MTMR9: variants seen among roughly 807,000 people sequenced by gnomAD.
The protein encoded by MTMR9 is myotubularin-related protein 9.
A neutral mutation model predicts 69.5 loss-of-function variants in MTMR9; 39 were observed. That is an observed-to-expected ratio of 0.56 (90% CI 0.43 to 0.73). MTMR9 has a LOEUF of 0.73. Ranked by LOEUF, MTMR9 falls within the 30% of genes least tolerant of loss-of-function variation. MTMR9 has a pLI of 0.00. For missense variants in MTMR9, 900 were observed against 671.2 expected (o/e 1.34, Z -3.77); for synonymous variants, 354 against 240.8 (o/e 1.47, Z -4.35).
At chr8:11,295,328 A>AGTAGC (rs1563267829) in intron 2 of MTMR9, 26 bp downstream of exon 2, 1 of 1,231,386 alleles carries the variant, frequency 8.1e-7, no homozygotes, top group African/African-American at 1.5e-5. Flanking sequence ...GCAAAATCTA[A>AGTAGC]TGAAACATAA....
chr8:11,315,190 C>A, intron 7 of MTMR9, 126 bp downstream of exon 7: 2 of 1,157,958 alleles, frequency 1.7e-6, no homozygotes, highest in Non-Finnish European at 2.5e-6. Context: ...GTTTAATTTA[C>A]TGCAGGACAG....
chr8:11,332,588 GTTTGTTT>G (rs1385051730), downstream of MTMR9, among the ~76,000 whole-genome samples: 1 of 144,834 alleles, frequency 6.9e-6, no homozygotes, highest in African/African-American at 2.5e-5. Flanking sequence ...GATAGAGTTT[GTTTGTTT>G]TTTGTTTTTT....
intron 9 of MTMR9, 133 bp downstream of exon 9, chr8:11,319,971 C>T (rs1800604649): frequency 1.3e-6 from 1 of 756,562 alleles, no homozygotes. Context: ...TTGTCATTCT[C>T]AGTGTGGGCA....
intron 1 of MTMR9, among the ~76,000 whole-genome samples, chr8:11,291,390 G>A (rs748531070): frequency 3.3e-5 from 5 of 152,000 alleles, no homozygotes; most frequent in Non-Finnish European, 7.4e-5. Flanking sequence ...ATATAAACTA[G>A]AAAGTTTAAT....
chr8:11,339,357 C>G, the MTMR9 span, among the ~76,000 whole-genome samples: 4 of 152,346 alleles, frequency 2.6e-5, no homozygotes, highest in African/African-American at 9.6e-5. Flanking sequence ...AGTATACATT[C>G]ATGATATGGC....
chr8:11,314,707 G>T (rs1190165576), intron 6 of MTMR9, among the ~76,000 whole-genome samples: 1 of 152,108 alleles, frequency 6.6e-6, no homozygotes, highest in Non-Finnish European at 1.5e-5. Flanking sequence ...CATTATAGTC[G>T]TATTTTTTCC....
the MTMR9 span, among the ~76,000 whole-genome samples, chr8:11,333,465 G>A: frequency 2.0e-5 from 3 of 152,172 alleles, no homozygotes; most frequent in African/African-American, 7.2e-5. Context: ...AAAGCTTAGG[G>A]ATCTTGTTAC....
chr8:11,316,016 G>C (rs1800398693), intron 7 of MTMR9: 2 of 152,172 alleles, frequency 1.3e-5, no homozygotes, highest in Non-Finnish European at 2.9e-5. Flanking sequence ...GTCAGCATTT[G>C]GGTTCTGAAC....
chr8:11,292,602 G>A (rs1041634308), intron 1 of MTMR9, among the ~76,000 whole-genome samples: 4 of 152,054 alleles, frequency 2.6e-5, no homozygotes, highest in African/African-American at 9.7e-5. Context: ...GTGGTGTAGG[G>A]CATCTTTTCA....
In MTMR9 at chr8:11,316,682, C is replaced by G. The variant is rs776183013; in HGVS notation, c.1123C>G (p.Pro375Ala). The G allele has an allele frequency of 1.9e-5, 31 of 1,601,368 alleles. No homozygotes were observed. The South Asian group carries it at 3.3e-4, about 17-fold the overall frequency. ...TCCATCTTCCCCCTAGGCTGGTCAC[C>G]CATTCCAGCAGCGCTGTGCACAGTC... ...IEREWLQAGH[P>A]FQQRCAQSAY... Residue 375 changes from proline (P) to alanine (A), a missense_variant, in exon 8 of 10, where the codon CCA becomes GCA. Coordinates refer to ENST00000221086, the MANE Select transcript of MTMR9 (RefSeq NM_015458.4).
At chr8:11,315,095 C>G (rs1017007471) in intron 7 of MTMR9, 31 bp downstream of exon 7, 3 of 1,603,480 alleles carry the variant, frequency 1.9e-6, no homozygotes, top group African/African-American at 1.3e-5. Flanking sequence ...CACAGAGGAA[C>G]TGCTTATTGA....
In MTMR9 at chr8:11,322,638, T is replaced by A. The variant is rs762867456; in HGVS notation, c.1500T>A (p.Arg500=). 6.2e-7 allele frequency: 1 copy of A among 1,613,638 alleles called. No homozygotes were observed. The highest frequency in any genetic ancestry group is 2.2e-5 in the East Asian group (1 of 44,866). The change falls in exon 10 of 10, where the codon CGT becomes CGA. Residue 500 remains arginine, a synonymous_variant. Transcript: ENST00000221086. ...SLPLWEGIFL[R]WNRSSKYLDE... is the part of the protein sequence containing the mutation. ...TGGATTCAATAGGTATTTTCCTACG[T>A]TGGAATAGATCCTCTAAGTATTTGG...
rs113268086 is a variant in MTMR9 at position 11,314,968 on chromosome 8, C to G, written c.1017C>G (p.Ser339=). 2 of 1,613,744 alleles carry G rather than the reference C, an allele frequency of 1.2e-6. No homozygotes were observed. The highest frequency in any genetic ancestry group is 1.7e-5 in the Admixed American group (1 of 59,978). ...ILIHGTEGTD[S]TLQVTSLAQI... ...TTCACGGAACAGAAGGAACTGATTC[C>G]ACACTCCAGGTGACCTCCTTGGCCC... The change falls in exon 7 of 10, where the codon TCC becomes TCG. Residue 339 remains serine, a synonymous_variant. Coordinates refer to ENST00000221086, the MANE Select transcript of MTMR9 (RefSeq NM_015458.4).
chr8:11,304,449 A>G (rs530668524), intron 3 of MTMR9, among the ~76,000 whole-genome samples: 2 of 152,194 alleles, frequency 1.3e-5, no homozygotes, highest in Admixed American at 6.5e-5. Context: ...GATGTGCTTA[A>G]TATATTTAAC....
intron 1 of MTMR9, among the ~76,000 whole-genome samples, chr8:11,289,193 C>A (rs1273887806): frequency 2.6e-5 from 4 of 152,014 alleles, no homozygotes; most frequent in Non-Finnish European, 5.9e-5. Flanking sequence ...AACAAACAAA[C>A]AAAAAACAGT....
chr8:11,315,182 T>C (rs909755338), intron 7 of MTMR9, 118 bp downstream of exon 7: 2 of 1,248,674 alleles, frequency 1.6e-6, no homozygotes, highest in African/African-American at 1.5e-5. Context: ...AGTTGTGTGT[T>C]TAATTTACTG....
chr8:11,288,778 A>G (rs1269780894), intron 1 of MTMR9, among the ~76,000 whole-genome samples: 1 of 152,212 alleles, frequency 6.6e-6, no homozygotes, highest in Admixed American at 6.5e-5. Flanking sequence ...CAGCTGATAG[A>G]TGTTTCAGAA....
chr8:11,321,343 GTTACAGTATTC>G (rs1026950872), intron 9 of MTMR9: 1 of 453,144 alleles, frequency 2.2e-6, no homozygotes, highest in African/African-American at 2.0e-5. Flanking sequence ...TAAACGAGAG[GTTACAGTATTC>G]TTCCTGTTTA....
At chr8:11,330,837 C>T, downstream of MTMR9, 2 of 535,198 alleles carry the variant, frequency 3.7e-6, no homozygotes, top group Non-Finnish European at 6.4e-6. Flanking sequence ...ACTTGTTTAT[C>T]TGCTGACCTT....
Sources: gnomAD v4.1 joint callset for allele counts (sites outside exome capture counted in the v4.1 genomes callset) on GRCh38, gnomAD v4.1.1 for gene constraint, MANE v1.5 for transcripts, NCBI Gene and HGNC (gene_info 2026-07-23, HGNC 2026-07-21) for gene names.